Variants in SBF2 observed in about 807,000 individuals in gnomAD.
The protein encoded by SBF2 is myotubularin-related protein 13.
A neutral mutation model predicts 225.2 loss-of-function variants in SBF2; 112 were observed. The observed-to-expected ratio is 0.50, with a 90% CI of 0.43 to 0.58. The LOEUF (loss-of-function observed/expected upper bound fraction) is 0.58. Among genes scored for constraint, SBF2 ranks in the 20% least tolerant of loss-of-function variants. The pLI, the probability that SBF2 is intolerant of heterozygous loss-of-function variation, is 0.00. For missense variants in SBF2, 1,996 were observed against 2,206.2 expected (o/e 0.90, Z 1.91); for synonymous variants, 763 against 773.3 (o/e 0.99, Z 0.22).
intron 2 of SBF2, among the ~76,000 whole-genome samples, chr11:10,109,902 A>C (rs968921715): frequency 6.6e-6 from 1 of 152,256 alleles, no homozygotes; most frequent in Non-Finnish European, 1.5e-5. Context: ...TTCATGAGGG[A>C]GAAATATATC....
chr11:9,868,337 C>CAAAAAAAAAAAAAAAA (rs35348349), intron 17 of SBF2, among the ~76,000 whole-genome samples: 1 of 26,372 alleles, frequency 3.8e-5, no homozygotes, highest in African/African-American at 2.3e-4. Context: ...TACAAAAATA[C>CAAAAAAAAAAAAAAAA]AAAAAAAAAA....
chr11:9,958,872 C>G (rs953928618), intron 16 of SBF2: 9 of 668,242 alleles, frequency 1.3e-5, no homozygotes, highest in African/African-American at 5.3e-5. Context: ...TCCTGGCCAA[C>G]AGTCTGGGGA....
chr11:10,084,737 G>A (rs187333512), intron 2 of SBF2, among the ~76,000 whole-genome samples: 116 of 152,310 alleles, frequency 7.6e-4, no homozygotes, highest in Admixed American at 1.2e-3. Flanking sequence ...ATATACAATG[G>A]AATACTATTC....
chr11:9,940,786 A>G (rs1865207858), intron 16 of SBF2, among the ~76,000 whole-genome samples: 2 of 152,200 alleles, frequency 1.3e-5, no homozygotes, highest in Non-Finnish European at 1.5e-5. Flanking sequence ...AGAAGTAAAA[A>G]ATAATAGAAC....
At chr11:10,138,772 T>G (rs1046987114) in intron 2 of SBF2, among the ~76,000 whole-genome samples, 2 of 152,194 alleles carry the variant, frequency 1.3e-5, no homozygotes, top group African/African-American at 4.8e-5. Flanking sequence ...TCTAGTTTGA[T>G]TCCATGGTGG....
In SBF2 at chr11:9,781,641, G is replaced by A; in HGVS notation, c.5320-3C>T. 1 of 1,614,060 alleles carries A rather than the reference G, an allele frequency of 6.2e-7. No homozygotes were observed. The highest frequency in any genetic ancestry group is 8.5e-7 in the Non-Finnish European group (1 of 1,180,008). On this transcript the variant is annotated splice_region_variant and splice_polypyrimidine_tract_variant and intron_variant, in intron 38 of 39. Transcript: ENST00000256190. ...TCACCTGAGTCATAGTAGCGCAGCT[G>A]GAACCAAAAGGATACAAGTGAGATA... is the stretch of plus-strand genomic sequence containing the variant.
chr11:9,830,032 G>C (rs1460176635), intron 27 of SBF2, among the ~76,000 whole-genome samples: 1 of 152,252 alleles, frequency 6.6e-6, no homozygotes, highest in Admixed American at 6.5e-5. Context: ...AGAGGGAAGA[G>C]TGGAAGAAGA....
At chr11:9,841,459 T>C (rs7948800) in intron 25 of SBF2, among the ~76,000 whole-genome samples, 68,975 of 151,934 alleles carry the variant, frequency 0.45, 15,954 homozygotes, top group Admixed American at 0.48. Flanking sequence ...GGTATTTTCA[T>C]TGCCCCAAAG....
chr11:10,209,662 T>G (rs1347842508), intron 1 of SBF2, among the ~76,000 whole-genome samples: 1 of 151,996 alleles, frequency 6.6e-6, no homozygotes, highest in Non-Finnish European at 1.5e-5. Flanking sequence ...AAATTGGGAT[T>G]TTCTATTATT....
chr11:10,281,242 G>A (rs1963386843), intron 1 of SBF2, among the ~76,000 whole-genome samples: 1 of 152,148 alleles, frequency 6.6e-6, no homozygotes, highest in Non-Finnish European at 1.5e-5. Context: ...TAGGGACTCA[G>A]GTTCTTTCTA....
At chr11:9,812,400 G>A (rs1854236766) in intron 30 of SBF2, 132 bp downstream of exon 30, 12 of 935,116 alleles carry the variant, frequency 1.3e-5, no homozygotes, top group Non-Finnish European at 2.0e-5. Flanking sequence ...CTTTACTGAT[G>A]GCACACAATG....
At chr11:10,101,228 A>G (rs1476174923) in intron 2 of SBF2, among the ~76,000 whole-genome samples, 1 of 152,150 alleles carries the variant, frequency 6.6e-6, no homozygotes, top group African/African-American at 2.4e-5. Context: ...CAACTACCCA[A>G]TGAATTACCA....
intron 1 of SBF2, among the ~76,000 whole-genome samples, chr11:10,205,136 C>T (rs1291564145): frequency 6.6e-6 from 1 of 151,758 alleles, no homozygotes; most frequent in Non-Finnish European, 1.5e-5. Flanking sequence ...TTTAACAAAC[C>T]TACACGTCCT....
chr11:9,976,496 G>A (rs1399900881), intron 13 of SBF2, among the ~76,000 whole-genome samples: 2 of 151,964 alleles, frequency 1.3e-5, no homozygotes, highest in Admixed American at 6.6e-5. Flanking sequence ...ACTTGGGAGC[G>A]TGAGGTGGGA....
rs914520401 is a variant in SBF2, at chr11:9,808,372, C to G, written c.4258-187G>C. ...AAACTTGCCAGTAAAAACTAAAGCT[C>G]AAATTCATTTTGGCTACAAGTTTAC... On this transcript the variant is annotated intron_variant, in intron 31 of 39. Transcript: ENST00000256190. 5 of 627,212 alleles carry G rather than the reference C, an allele frequency of 8.0e-6. No individual in the cohort carries two copies. The African/African-American group carries it at 9.2e-5, about 12-fold the overall frequency. 38.9% of individuals were successfully genotyped at this position (627,212 alleles called of 1,614,324 possible).
At chr11:10,040,299 G>A (rs1045408380) in intron 3 of SBF2, among the ~76,000 whole-genome samples, 1 of 151,874 alleles carries the variant, frequency 6.6e-6, no homozygotes, top group African/African-American at 2.4e-5. Context: ...GTGGACTTCC[G>A]GATGTGTACT....
At chr11:10,087,463 T>C (rs1257777417) in intron 2 of SBF2, among the ~76,000 whole-genome samples, 2 of 152,194 alleles carry the variant, frequency 1.3e-5, no homozygotes. Flanking sequence ...TCAGAAAGGC[T>C]GCATTAAGTA....
intron 16 of SBF2, among the ~76,000 whole-genome samples, chr11:9,899,043 T>C (rs2134145121): frequency 7.0e-6 from 1 of 143,116 alleles, no homozygotes; most frequent in Non-Finnish European, 1.6e-5. Context: ...GGAAGTTTAG[T>C]AAAATAAAGA....
intron 30 of SBF2, among the ~76,000 whole-genome samples, chr11:9,811,718 CT>C (rs74334261): frequency 4.3e-3 from 615 of 142,290 alleles, no homozygotes; most frequent in Middle Eastern, 7.0e-3. Context: ...ACATCATTTC[CT>C]TTTTTTTTTT....
Sources: allele counts gnomAD v4.1 joint callset (sites outside exome capture counted in the v4.1 genomes callset), GRCh38; gene constraint gnomAD v4.1.1; transcripts MANE v1.5; gene names NCBI Gene and HGNC (gene_info 2026-07-23, HGNC 2026-07-21).